The following LOXHD1 variants were observed in gnomAD, a reference collection of about 807,000 sequenced individuals.
LOXHD1 encodes the protein lipoxygenase homology domain-containing protein 1.
A neutral mutation model predicts 248.2 loss-of-function variants in LOXHD1; 205 were observed. The ratio of observed to expected loss-of-function variants is 0.83; its 90% CI spans 0.74 to 0.93. The LOEUF (loss-of-function observed/expected upper bound fraction) is 0.93. Ranked by LOEUF, LOXHD1 falls within the 40% of genes least tolerant of loss-of-function variation. The probability of loss-of-function intolerance (pLI) is 0.00; values close to 1 mark genes in which losing one functional copy is unlikely to be tolerated. For synonymous variants in LOXHD1, 1,113 were observed against 1,162.8 expected, an observed-to-expected ratio of 0.96 and a Z score of 0.87; for missense variants, 2,930 against 2,971.6, an observed-to-expected ratio of 0.99 and a Z score of 0.33.
At chr18:46,545,539 C>T in intron 22 of LOXHD1, 118 bp from the exon 23 acceptor site, 2 of 718,506 alleles carry the variant, frequency 2.8e-6, no homozygotes, top group East Asian at 2.7e-5. Context: ...TACCCCATCA[C>T]TCCAATTTTT....
At chr18:46,566,484 C>T (rs1383676180) in intron 16 of LOXHD1, 35 bp from the exon 17 acceptor site, 1 of 1,534,480 alleles carries the variant, frequency 6.5e-7, no homozygotes, top group Non-Finnish European at 8.8e-7. Context: ...AGCAAGGAGC[C>T]AGTGTGTAGA....
In LOXHD1 at chr18:46,490,754, C is replaced by T. The variant is rs955217558; in HGVS notation, c.5879-1612G>A. On this transcript the variant is annotated intron_variant, in intron 37 of 40. Coordinates refer to ENST00000642948, the MANE Select transcript of LOXHD1 (RefSeq NM_001384474.1). ...CCTCCCAAAGTGCTGGGATTACAGG[C>T]GTGAGCCACCTCGCCCGGCGGTAAG... is the stretch of plus-strand genomic sequence containing the variant. Among the ~76,000 whole-genome samples the T allele has an allele frequency of 7.2e-5, 11 of 152,344 alleles. No homozygotes were observed. In the South Asian group the frequency reaches 1.0e-3, roughly 14 times the overall value.
intron 4 of LOXHD1, among the ~76,000 whole-genome samples, chr18:46,637,541 G>A (rs1472287306): frequency 1.3e-5 from 2 of 152,096 alleles, no homozygotes; most frequent in African/African-American, 4.8e-5. Flanking sequence ...AATGTTTGTG[G>A]AAGAACCTAT....
At chr18:46,489,176 G>A in intron 37 of LOXHD1, 34 bp from the exon 38 acceptor site, 1 of 1,550,108 alleles carries the variant, frequency 6.5e-7, no homozygotes, top group Non-Finnish European at 8.7e-7. Context: ...TTGGAAGCTG[G>A]ATGTGCCTTC....
intron 14 of LOXHD1, among the ~76,000 whole-genome samples, chr18:46,576,589 G>A (rs920040896): frequency 2.0e-5 from 3 of 152,160 alleles, no homozygotes; most frequent in Admixed American, 1.3e-4. Flanking sequence ...TGCCTGGCCT[G>A]CCCTCTGTTA....
intron 33 of LOXHD1, chr18:46,520,389 AGCCATGAGCC>A: frequency 2.3e-6 from 1 of 438,196 alleles, no homozygotes; most frequent in Admixed American, 2.8e-5. Flanking sequence ...TTGACCCCAT[AGCCATGAGCC>A]AAAAAGAGAA....
chr18:46,648,463 A>G (rs2039061626), intron 2 of LOXHD1, among the ~76,000 whole-genome samples: 1 of 152,164 alleles, frequency 6.6e-6, no homozygotes, highest in African/African-American at 2.4e-5. Flanking sequence ...ATTCTGTTCC[A>G]TTCAGCACAG....
chr18:46,494,946 C>T (rs1598842217), intron 37 of LOXHD1, among the ~76,000 whole-genome samples: 1 of 149,836 alleles, frequency 6.7e-6, no homozygotes, highest in Admixed American at 6.7e-5. Flanking sequence ...CTCCGCCTCC[C>T]GGGTTCACGC....
At chr18:46,600,031 T>C (rs540552703) in intron 8 of LOXHD1, among the ~76,000 whole-genome samples, 18 of 152,340 alleles carry the variant, frequency 1.2e-4, no homozygotes, top group Admixed American at 1.2e-3. Context: ...ATAGTTATCC[T>C]ATAAAGCTGA....
At chr18:46,477,042 G>GT (rs1360561156), downstream of LOXHD1, 1 of 647,160 alleles carries the variant, frequency 1.5e-6, no homozygotes, top group Non-Finnish European at 2.8e-6. Context: ...GCTAAGATGA[G>GT]TTCTTTATAG....
intron 32 of LOXHD1, 71 bp from the exon 33 acceptor site, chr18:46,521,353 C>G (rs1020468792): frequency 6.6e-7 from 1 of 1,505,692 alleles, no homozygotes; most frequent in Non-Finnish European, 9.0e-7. Context: ...TGCCCAGCCC[C>G]CTCCCTCAGT....
intron 4 of LOXHD1, among the ~76,000 whole-genome samples, chr18:46,631,041 A>G (rs1308537416): frequency 6.6e-6 from 1 of 152,136 alleles, no homozygotes; most frequent in African/African-American, 2.4e-5. Flanking sequence ...CTTTATAATC[A>G]GATGTGTCTA....
At chr18:46,601,101 G>T in intron 8 of LOXHD1, 116 bp downstream of exon 8, 2 of 1,324,988 alleles carry the variant, frequency 1.5e-6, no homozygotes, top group Admixed American at 5.2e-5. Flanking sequence ...GAAAGAGATT[G>T]CCCATGCACT....
chr18:46,651,187 G>A (rs959495967), intron 1 of LOXHD1, among the ~76,000 whole-genome samples: 8 of 152,184 alleles, frequency 5.3e-5, no homozygotes, highest in African/African-American at 1.9e-4. Flanking sequence ...ACAGGCCTGT[G>A]AGGCACCAGG....
downstream of LOXHD1, chr18:46,477,190 C>A (rs934243522): frequency 1.9e-5 from 14 of 720,632 alleles, no homozygotes; most frequent in Non-Finnish European, 3.6e-5. Flanking sequence ...TTCTCATCCA[C>A]ACTCTGCAGC....
At chr18:46,641,932 C>T (rs763368393) in intron 3 of LOXHD1, 24 bp downstream of exon 3, 8 of 1,547,914 alleles carry the variant, frequency 5.2e-6, no homozygotes, top group Non-Finnish European at 7.0e-6. Context: ...CACCCTCAAT[C>T]CTAGTCAGGC....
intron 21 of LOXHD1, among the ~76,000 whole-genome samples, chr18:46,551,842 C>T (rs1033193366): frequency 1.2e-4 from 18 of 152,148 alleles, no homozygotes; most frequent in African/African-American, 3.4e-4. Context: ...AAAGGTGGTA[C>T]GTACATACAA....
chr18:46,560,199 C>T lies in LOXHD1; in HGVS notation c.2945G>A (p.Gly982Glu). The T allele has an allele frequency of 6.4e-7, 1 of 1,551,816 alleles. No homozygotes were observed. The highest frequency in any genetic ancestry group is 1.2e-5 in the South Asian group (1 of 84,056). Reference sequence around the variant, plus strand: ...GTGCTGCTCAATCACCTCCTGCATCCCCGGCCCAAACTCCTCCTCTTCCTC... The same window carrying T: ...GTGCTGCTCAATCACCTCCTGCATCTCCGGCCCAAACTCCTCCTCTTCCTC... ...EEEEEEEFGPGMQEVIEQHKF... is the reference protein window; with the variant it reads ...EEEEEEEFGPEMQEVIEQHKF... Residue 982 changes from glycine to glutamate, a missense_variant, in exon 19 of 41, where the codon GGG becomes GAG. Physicochemically the swap from Gly to Glu is moderately conservative, Grantham distance 98. Transcript: ENST00000642948.
intron 8 of LOXHD1, among the ~76,000 whole-genome samples, chr18:46,595,270 G>A (rs536595936): frequency 2.0e-5 from 3 of 152,186 alleles, no homozygotes; most frequent in African/African-American, 7.2e-5. Flanking sequence ...ATTGACCATT[G>A]TGATGAACCT....
Sources: allele counts gnomAD v4.1 joint callset (sites outside exome capture counted in the v4.1 genomes callset), GRCh38; gene constraint gnomAD v4.1.1; transcripts MANE v1.5; gene names NCBI Gene and HGNC (gene_info 2026-07-23, HGNC 2026-07-21).